The following VIRMA variants were observed in gnomAD, a reference collection of about 807,000 sequenced individuals.
VIRMA encodes the protein protein virilizer homolog.
In VIRMA, 65 loss-of-function variants were observed where a neutral mutation model predicts 182.4. The ratio of observed to expected loss-of-function variants is 0.36; its 90% CI spans 0.29 to 0.44. The LOEUF (loss-of-function observed/expected upper bound fraction) is 0.44. VIRMA is among the 20% of genes least tolerant of loss of function. The probability of loss-of-function intolerance (pLI) is 1.00; values close to 1 mark genes in which losing one functional copy is unlikely to be tolerated. For synonymous variants in VIRMA, 709 were observed against 743.1 expected (o/e 0.95, Z 0.75); for missense variants, 1,752 against 2,158.1 (o/e 0.81, Z 3.73).
At chr8:94,491,949 A>G in intron 21 of VIRMA, 40 bp from the exon 22 acceptor site, 1 of 1,446,626 alleles carries the variant, frequency 6.9e-7, no homozygotes, top group African/African-American at 1.4e-5. Context: ...TTTTTCTTTC[A>G]GGTTTCTAGC....
At chr8:94,506,010 T>C (rs1563460441) in intron 16 of VIRMA, among the ~76,000 whole-genome samples, 1 of 152,234 alleles carries the variant, frequency 6.6e-6, no homozygotes, top group African/African-American at 2.4e-5. Context: ...TTAGGTATTA[T>C]AAGTAATCTA....
chr8:94,512,050 T>G lies in VIRMA; in HGVS notation c.2791A>C (p.Thr931Pro). Residue 931 changes from threonine (T) to proline (P), a missense_variant, in exon 12 of 24, where the codon ACC becomes CCC. This residue lies in a region of VIRMA where 777 missense variants were observed against 920.6 expected (regional missense o/e 0.84). Coordinates refer to ENST00000297591, the MANE Select transcript of VIRMA (RefSeq NM_015496.5). ...TTACAGAGAACACGTAAGGCAGTGG[T>G]AAGGCCAACTCCTTCTGGGGTCATC... ...NLMTPEGVGLTTALRVLCNVA... is the reference protein window; with the variant it reads ...NLMTPEGVGLPTALRVLCNVA... The G allele has an allele frequency of 6.5e-7, 1 of 1,528,624 alleles. No homozygotes were observed. The highest frequency in any genetic ancestry group is 8.8e-7 in the Non-Finnish European group (1 of 1,137,908). The allele number at this position is 1,528,624 out of a possible 1,614,324, so 94.7% of individuals were successfully genotyped here.
intron 10 of VIRMA, 128 bp downstream of exon 10, chr8:94,517,660 A>C: frequency 1.9e-6 from 1 of 533,340 alleles, no homozygotes. Context: ...CATAAAAAGT[A>C]ATTTCAGGAA....
chr8:94,489,198 A>C (rs1249694393), intron 23 of VIRMA, among the ~76,000 whole-genome samples: 1 of 152,256 alleles, frequency 6.6e-6, no homozygotes, highest in Non-Finnish European at 1.5e-5. Context: ...TATAACCAAA[A>C]AAATATATGC....
intron 7 of VIRMA, 126 bp downstream of exon 7, chr8:94,528,944 C>T: frequency 1.7e-6 from 2 of 1,197,752 alleles, no homozygotes; most frequent in Middle Eastern, 2.1e-4. Context: ...TGAGGCCTAG[C>T]TACATTCTGA....
chr8:94,527,974 T>C (rs1047169822), intron 7 of VIRMA, among the ~76,000 whole-genome samples: 1 of 152,188 alleles, frequency 6.6e-6, no homozygotes, highest in Non-Finnish European at 1.5e-5. Flanking sequence ...GGCTCATGCC[T>C]GTAATCCCAG....
chr8:94,553,194 G>C (rs527511988), intron 1 of VIRMA, among the ~76,000 whole-genome samples, 191 bp downstream of exon 1: 22 of 152,272 alleles, frequency 1.4e-4, no homozygotes, highest in African/African-American at 5.3e-4. Context: ...CCAAGTTAAA[G>C]CAAGGAAATG....
At chr8:94,510,046 A>G in intron 14 of VIRMA, 106 bp from the exon 15 acceptor site, 1 of 1,031,912 alleles carries the variant, frequency 9.7e-7, no homozygotes, top group Non-Finnish European at 1.4e-6. Context: ...ATTTTGCATA[A>G]AACATTTAAT....
chr8:94,496,342 C>G lies in VIRMA; in HGVS notation c.4369G>C (p.Glu1457Gln). ...ESPENLFLEL[E>Q]KLVLEHSKDD... ...TTCTTTTTTACCAAAACAAGCTTCT[C>G]TAGTTCAAGGAACAAATTTTCTGGA... Residue 1457 changes from glutamate (E) to glutamine (Q), a missense_variant, in exon 18 of 24, where the codon GAG (glutamate) becomes CAG (glutamine). This residue lies in a region of VIRMA where 777 missense variants were observed against 920.6 expected (regional missense o/e 0.84). Coordinates refer to ENST00000297591, the MANE Select transcript of VIRMA (RefSeq NM_015496.5). 1.2e-6 allele frequency: 2 copies of G among 1,611,306 alleles called. No homozygotes were observed. Among genetic ancestry groups the G allele is most frequent in the Non-Finnish European group, 1.7e-6 (2 of 1,179,358 alleles).
In VIRMA at chr8:94,496,342, C is replaced by T; in HGVS notation, c.4369G>A (p.Glu1457Lys). Residue 1457 changes from glutamate to lysine, a missense_variant, in exon 18 of 24, where the codon GAG (glutamate) becomes AAG (lysine). This residue lies in a region of VIRMA where 777 missense variants were observed against 920.6 expected (regional missense o/e 0.84). Coordinates refer to ENST00000297591, the MANE Select transcript of VIRMA (RefSeq NM_015496.5). The part of the protein sequence containing the change: ...ESPENLFLEL[E>K]KLVLEHSKDD... ...TTCTTTTTTACCAAAACAAGCTTCT[C>T]TAGTTCAAGGAACAAATTTTCTGGA... is the stretch of plus-strand genomic sequence containing the variant. 6.2e-7 allele frequency: 1 copy of T among 1,611,306 alleles called. No homozygotes were observed. The highest frequency in any genetic ancestry group is 1.3e-5 in the African/African-American group (1 of 74,832).
chr8:94,524,530 C>T (rs1293812040), intron 8 of VIRMA, among the ~76,000 whole-genome samples: 1 of 151,880 alleles, frequency 6.6e-6, no homozygotes, highest in Non-Finnish European at 1.5e-5. Context: ...GTCTCGAACT[C>T]CTGAACTCAG....
chr8:94,524,838 A>G (rs1814903191), intron 8 of VIRMA, among the ~76,000 whole-genome samples: 3 of 152,298 alleles, frequency 2.0e-5, no homozygotes, highest in Admixed American at 2.0e-4. Flanking sequence ...TCCTATCCTT[A>G]TCTTCTGAAC....
chr8:94,543,817 G>C lies in VIRMA; in HGVS notation c.179+10C>G. On this transcript the variant is annotated intron_variant, in intron 2 of 23. Transcript: ENST00000297591. ...ACCAAAAAATACTTTTAAAAAGAGA[G>C]TTGACTTACCCATATGCTCTATTGT... is the stretch of plus-strand genomic sequence containing the variant. The C allele has an allele frequency of 7.0e-7, 1 of 1,427,528 alleles. No individual in the cohort carries two copies. Among genetic ancestry groups the C allele is most frequent in the Non-Finnish European group, 9.7e-7 (1 of 1,029,620 alleles). The allele number at this position is 1,427,528 out of a possible 1,614,324, so 88.4% of individuals were successfully genotyped here. A position where few individuals can be genotyped will look rare whatever the true frequency, so the allele number is the denominator to read the frequency against.
chr8:94,492,284 C>CTT (rs770111580), intron 21 of VIRMA, among the ~76,000 whole-genome samples: 20,125 of 140,200 alleles, frequency 0.14, 1,842 homozygotes, highest in South Asian at 0.29. Flanking sequence ...TAGCATGTGT[C>CTT]TTTTTTTTTT....
At chr8:94,550,955 G>A (rs2130406271) in intron 1 of VIRMA, among the ~76,000 whole-genome samples, 1 of 151,668 alleles carries the variant, frequency 6.6e-6, no homozygotes, top group Middle Eastern at 3.5e-3. Flanking sequence ...CTGACGTCAG[G>A]CAATCCACCC....
At chr8:94,546,191 C>T (rs539916733) in intron 1 of VIRMA, among the ~76,000 whole-genome samples, 4 of 151,226 alleles carry the variant, frequency 2.6e-5, no homozygotes, top group Admixed American at 1.3e-4. Flanking sequence ...GATTTTCATC[C>T]ACAGCCAGAG....
intron 8 of VIRMA, among the ~76,000 whole-genome samples, chr8:94,523,769 A>G (rs2130341291): frequency 6.8e-6 from 1 of 146,010 alleles, no homozygotes; most frequent in Admixed American, 6.8e-5. Flanking sequence ...AGCTGGGATT[A>G]CAGGCATGCA....
intron 8 of VIRMA, 152 bp downstream of exon 8, chr8:94,526,071 C>T: frequency 1.6e-6 from 1 of 628,312 alleles, no homozygotes; most frequent in Non-Finnish European, 2.7e-6. Context: ...TAACATACTT[C>T]TCAGTTCCAC....
chr8:94,515,707 C>A (rs1814537378), intron 10 of VIRMA, among the ~76,000 whole-genome samples: 2 of 151,998 alleles, frequency 1.3e-5, no homozygotes, highest in Non-Finnish European at 2.9e-5. Flanking sequence ...GAAATGCCTA[C>A]TCTTAGTTAT....
Sources: allele counts gnomAD v4.1 joint callset (sites outside exome capture counted in the v4.1 genomes callset), GRCh38; gene constraint gnomAD v4.1.1; regional missense constraint gnomAD v4.1.1; transcripts MANE v1.5; gene names NCBI Gene and HGNC (gene_info 2026-07-23, HGNC 2026-07-21).